PLEKHA5: variants seen among roughly 807,000 people sequenced by gnomAD.
PLEKHA5 encodes the protein pleckstrin homology domain containing A5.
A neutral mutation model predicts 181.9 loss-of-function variants in PLEKHA5; 55 were observed. The ratio of observed to expected loss-of-function variants is 0.30; its 90% CI spans 0.24 to 0.38. The LOEUF is 0.38. Ranked by LOEUF, PLEKHA5 falls within the 10% of genes least tolerant of loss-of-function variation. The pLI, the probability that PLEKHA5 is intolerant of heterozygous loss-of-function variation, is 1.00. For synonymous variants in PLEKHA5, 535 were observed against 529.4 expected (o/e 1.01, Z -0.15); for missense variants, 1,432 against 1,549.5 (o/e 0.92, Z 1.27).
At chr12:19,370,516 G>T (rs553530824) in intron 31 of PLEKHA5, among the ~76,000 whole-genome samples, 1 of 151,984 alleles carries the variant, frequency 6.6e-6, no homozygotes, top group Non-Finnish European at 1.5e-5. Flanking sequence ...TTTTATAAAA[G>T]CTCTGGTGTA....
At chr12:19,170,507 C>T (rs1451435262) in intron 3 of PLEKHA5, among the ~76,000 whole-genome samples, 3 of 151,640 alleles carry the variant, frequency 2.0e-5, no homozygotes, top group African/African-American at 7.3e-5. Flanking sequence ...ACTCCTGCAA[C>T]CTCTGCCTCC....
chr12:19,320,629 G>GTCCCTATTGTTAGCAGTCCAACGT lies in PLEKHA5; in HGVS notation c.2217+6_2217+7insCCCTATTGTTAGCAGTCCAACGTT. 7.7e-7 allele frequency: 1 copy of GTCCCTATTGTTAGCAGTCCAACGT among 1,298,568 alleles called. No individual in the cohort carries two copies. Among genetic ancestry groups the GTCCCTATTGTTAGCAGTCCAACGT allele is most frequent in the Non-Finnish European group, 1.1e-6 (1 of 904,888 alleles). The allele number at this position is 1,298,568 out of a possible 1,614,324, so 80.4% of individuals were successfully genotyped here. A position where few individuals can be genotyped will look rare whatever the true frequency, so the allele number is the denominator to read the frequency against. On this transcript the variant is annotated splice_donor_region_variant and intron_variant, in intron 18 of 31. Coordinates refer to ENST00000429027, the MANE Select transcript of PLEKHA5 (RefSeq NM_001256470.2). Reference sequence around the variant, plus strand: ...CCTGAAGAAGTAGATATTGATGTAAGTATTAGTATGATATATGTGGTCAGT... The same window carrying GTCCCTATTGTTAGCAGTCCAACGT: ...CCTGAAGAAGTAGATATTGATGTAAGTCCCTATTGTTAGCAGTCCAACGTTATTAGTATGATATATGTGGTCAGT...
intron 30 of PLEKHA5, among the ~76,000 whole-genome samples, chr12:19,368,009 G>T (rs1320454452): frequency 6.6e-5 from 10 of 151,978 alleles, no homozygotes; most frequent in Non-Finnish European, 1.5e-4. Flanking sequence ...TTCTTCTTAG[G>T]AAAAGCATGG....
At chr12:19,337,139 C>A (rs2093496103) in intron 21 of PLEKHA5, among the ~76,000 whole-genome samples, 1 of 151,814 alleles carries the variant, frequency 6.6e-6, no homozygotes, top group African/African-American at 2.4e-5. Flanking sequence ...AGGCATGCAC[C>A]ACCAAGCCTT....
intron 15 of PLEKHA5, among the ~76,000 whole-genome samples, chr12:19,292,140 T>C (rs992336058): frequency 6.6e-6 from 1 of 152,202 alleles, no homozygotes; most frequent in African/African-American, 2.4e-5. Context: ...ATGCAATGGC[T>C]CATGCCTGTA....
chr12:19,248,563 T>C (rs528697447), intron 3 of PLEKHA5, among the ~76,000 whole-genome samples: 2 of 152,338 alleles, frequency 1.3e-5, no homozygotes, highest in African/African-American at 4.8e-5. Flanking sequence ...CAATGGCCTA[T>C]AGTATTCAAT....
chr12:19,341,802 G>T (rs2093951543), intron 21 of PLEKHA5, among the ~76,000 whole-genome samples: 1 of 151,706 alleles, frequency 6.6e-6, no homozygotes, highest in South Asian at 2.1e-4. Flanking sequence ...GCACGATCTT[G>T]GCTCACTGCA....
At chr12:19,253,064 C>CTGTTTTTTTTTTTTT (rs2065786894) in intron 3 of PLEKHA5, among the ~76,000 whole-genome samples, 1 of 45,834 alleles carries the variant, frequency 2.2e-5, no homozygotes, top group Non-Finnish European at 4.6e-5. Context: ...ATCAACTTAC[C>CTGTTTTTTTTTTTTT]TTTTTTTTTT....
At chr12:19,329,837 G>A (rs182835997) in intron 20 of PLEKHA5, among the ~76,000 whole-genome samples, 167 of 152,054 alleles carry the variant, frequency 1.1e-3, no homozygotes, top group African/African-American at 4.0e-3. Flanking sequence ...AGCACTTTGG[G>A]AGGCTGAGGT....
chr12:19,270,117 T>C, intron 9 of PLEKHA5, 71 bp from the exon 10 acceptor site: 1 of 904,676 alleles, frequency 1.1e-6, no homozygotes, highest in Non-Finnish European at 1.6e-6. Flanking sequence ...CTTTATTCAT[T>C]TTCACCTATC....
chr12:19,263,750 T>C (rs2069327650), intron 7 of PLEKHA5, among the ~76,000 whole-genome samples: 3 of 152,158 alleles, frequency 2.0e-5, no homozygotes, highest in Admixed American at 2.0e-4. Context: ...GAGATTAATA[T>C]GTAGAAAGCT....
In PLEKHA5 at chr12:19,336,621, A is replaced by G. The variant is rs971538954; in HGVS notation, c.2550+5A>G. 1.3e-6 allele frequency: 2 copies of G among 1,492,516 alleles called. No homozygotes were observed. The highest frequency in any genetic ancestry group is 1.9e-6 in the Non-Finnish European group (2 of 1,071,686). 92.5% of individuals were successfully genotyped at this position (1,492,516 alleles called of 1,614,324 possible). ...GATCACCTTGGTGAAGTTCAGGTAC[A>G]AAAGTATAATATTCTTTATATTGTT... On this transcript the variant is annotated splice_donor_5th_base_variant and intron_variant, in intron 21 of 31. Coordinates refer to ENST00000429027, the MANE Select transcript of PLEKHA5 (RefSeq NM_001256470.2).
At chr12:19,322,730 C>CT (rs951934436) in intron 20 of PLEKHA5, 63 bp downstream of exon 20, 92 of 1,150,488 alleles carry the variant, frequency 8.0e-5, no homozygotes, top group African/African-American at 3.6e-4. Context: ...ATTTTCTTCT[C>CT]TTTTTTTTAA....
At chr12:19,335,282 C>T (rs1049956363) in intron 20 of PLEKHA5, among the ~76,000 whole-genome samples, 5 of 151,950 alleles carry the variant, frequency 3.3e-5, no homozygotes, top group African/African-American at 4.8e-5. Flanking sequence ...ATCCACCTGC[C>T]TCAGCCTCCT....
intron 3 of PLEKHA5, among the ~76,000 whole-genome samples, chr12:19,161,292 T>G (rs548014549): frequency 1.3e-5 from 2 of 152,234 alleles, no homozygotes; most frequent in East Asian, 1.9e-4. Flanking sequence ...AAGTGCTTGT[T>G]CTCCCTTCCC....
At chr12:19,242,302 G>A (rs1005526853) in intron 3 of PLEKHA5, among the ~76,000 whole-genome samples, 32 of 151,618 alleles carry the variant, frequency 2.1e-4, no homozygotes, top group African/African-American at 7.0e-4. Flanking sequence ...GCAGTGGCAC[G>A]ATCTTGGCTC....
Position 19,336,668 on chromosome 12 carries a change from G to A in PLEKHA5, c.2550+52G>A, listed in dbSNP as rs771755465. 4.1e-6 allele frequency: 4 copies of A among 976,124 alleles called. No individual in the cohort carries two copies. In the South Asian group the frequency reaches 5.7e-5, roughly 14 times the overall value. 60.5% of individuals were successfully genotyped at this position (976,124 alleles called of 1,614,324 possible). A position where few individuals can be genotyped will look rare whatever the true frequency, so the allele number is the denominator to read the frequency against. On this transcript the variant is annotated intron_variant, in intron 21 of 31. Transcript: ENST00000429027. ...TGTTTTAACTGTTTTTACTGGTACT[G>A]TACAATCCACCTTGTTAGATTTACG...
intron 26 of PLEKHA5, among the ~76,000 whole-genome samples, chr12:19,357,722 A>G (rs956169511): frequency 2.7e-5 from 4 of 147,364 alleles, no homozygotes; most frequent in Admixed American, 1.4e-4. Flanking sequence ...TGCAACCTCC[A>G]CCTCCTGGGC....
intron 3 of PLEKHA5, among the ~76,000 whole-genome samples, chr12:19,139,602 T>C (rs1565857614): frequency 6.6e-6 from 1 of 152,196 alleles, no homozygotes; most frequent in Non-Finnish European, 1.5e-5. Flanking sequence ...TTAAGAACTT[T>C]ATAGTTGAAT....
Sources: allele counts gnomAD v4.1 joint callset (sites outside exome capture counted in the v4.1 genomes callset), GRCh38; gene constraint gnomAD v4.1.1; transcripts MANE v1.5; gene names NCBI Gene and HGNC (gene_info 2026-07-23, HGNC 2026-07-21).